HEG1: variants seen among roughly 807,000 people sequenced by gnomAD.
The protein encoded by HEG1 is heart development protein with EGF like domains 1, also known as protein HEG homolog 1.
In HEG1, 56 loss-of-function variants were observed where a neutral mutation model predicts 125.6. The observed-to-expected ratio is 0.45, with a 90% CI of 0.36 to 0.56. The LOEUF is 0.56. HEG1 is among the 20% of genes least tolerant of loss of function. HEG1 has a pLI of 0.00. For synonymous variants in HEG1, 644 were observed against 668.5 expected (o/e 0.96, Z 0.57); for missense variants, 1,523 against 1,670.0 (o/e 0.91, Z 1.53).
chr3:125,052,896 AG>A (rs1937845366), intron 1 of HEG1, among the ~76,000 whole-genome samples: 1 of 152,260 alleles, frequency 6.6e-6, no homozygotes, highest in African/African-American at 2.4e-5. Flanking sequence ...GAACTCTGCC[AG>A]GAAGAGAAGA....
intron 1 of HEG1, among the ~76,000 whole-genome samples, chr3:125,051,723 AC>A (rs1937810027): frequency 6.6e-6 from 1 of 152,260 alleles, no homozygotes; most frequent in Non-Finnish European, 1.5e-5. Flanking sequence ...TCCCATTCAT[AC>A]AAAAAGGACG....
At position 125,012,818 on chromosome 3, in the gene HEG1, G is replaced by A; in HGVS notation, c.2761C>T (p.Pro921Ser). ...GTGGTCATTTCTTTTGCTGATGTGG[G>A]TACACTGGTCAAAGGGATCAATCCA... is the stretch of plus-strand genomic sequence containing the variant. ...TTGLIPLTSVPTSAKEMTTKL... is the reference protein window; with the variant it reads ...TTGLIPLTSVSTSAKEMTTKL... Residue 921 changes from proline to serine, a missense_variant, in exon 6 of 17, where the codon CCC becomes TCC. Transcript: ENST00000311127. 2 of 1,614,016 alleles carry A rather than the reference G, an allele frequency of 1.2e-6. No homozygotes were observed. Among genetic ancestry groups the A allele is most frequent in the East Asian group, 2.2e-5 (1 of 44,880 alleles).
intron 5 of HEG1, chr3:125,014,597 A>C: frequency 1.1e-6 from 1 of 882,040 alleles, no homozygotes; most frequent in Non-Finnish European, 1.5e-6. Flanking sequence ...TCTCTCCATA[A>C]AGAGCTTGTA....
chr3:125,018,430 C>A (rs1042845503), intron 5 of HEG1, among the ~76,000 whole-genome samples: 2 of 152,126 alleles, frequency 1.3e-5, no homozygotes, highest in Non-Finnish European at 2.9e-5. Context: ...GATGGAAATG[C>A]TCTGGAATTA....
intron 14 of HEG1, among the ~76,000 whole-genome samples, chr3:124,987,952 C>CACACACACACACACACACAT: frequency 0.037 from 1,997 of 54,414 alleles, 95 homozygotes; most frequent in Middle Eastern, 0.07. Flanking sequence ...CACACACACA[C>CACACACACACACACACACAT]ATATATATAT....
intron 5 of HEG1, chr3:125,014,588 C>G: frequency 1.3e-6 from 1 of 765,944 alleles, no homozygotes; most frequent in Non-Finnish European, 1.7e-6. Context: ...CTAGAAAGTT[C>G]TCTCCATAAA....
At chr3:125,052,759 C>T (rs558207076) in intron 1 of HEG1, among the ~76,000 whole-genome samples, 1 of 152,144 alleles carries the variant, frequency 6.6e-6, no homozygotes, top group Admixed American at 6.5e-5. Context: ...AGCAGGGTGA[C>T]GGGTGGGTGC....
Position 124,977,869 on chromosome 3 carries a change from T to TAAC in HEG1, c.3808_3810dup (p.Val1270dup), listed in dbSNP as rs1560014432. The TAAC allele has an allele frequency of 1.3e-6, 2 of 1,568,338 alleles. No homozygotes were observed. Among genetic ancestry groups the TAAC allele is most frequent in the East Asian group, 2.4e-5 (1 of 42,350 alleles). On this transcript the variant is annotated inframe_insertion, in exon 15 of 17. Transcript: ENST00000311127. ...ACTCTCATCACTTACCTGCAACAGG[T>TAAC]AACAATCAGTGCGATGCCTAGGATG... is the stretch of plus-strand genomic sequence containing the variant.
chr3:125,020,921 AAAG>A lies in HEG1; in HGVS notation c.1120_1122del (p.Leu374del), dbSNP rs777256196. 3.7e-6 allele frequency: 6 copies of A among 1,613,918 alleles called. No individual in the cohort carries two copies. Among genetic ancestry groups the A allele is most frequent in the African/African-American group, 2.7e-5 (2 of 74,938 alleles). ...CTTCTCGATTCCACTGCAGAGGGTG[AAAG>A]AAGGACTGAGGATGAAGTCGTGGCA... On this transcript the variant is annotated inframe_deletion, in exon 4 of 17. Coordinates refer to ENST00000311127, the MANE Select transcript of HEG1 (RefSeq NM_020733.2).
chr3:124,991,801 G>A (rs1936838013), intron 12 of HEG1, among the ~76,000 whole-genome samples: 1 of 152,146 alleles, frequency 6.6e-6, no homozygotes, highest in Non-Finnish European at 1.5e-5. Context: ...TAGTAGAGAT[G>A]AGGTTTCACC....
chr3:125,027,100 T>C (rs1404029148), intron 3 of HEG1, 105 bp downstream of exon 3: 4 of 1,117,458 alleles, frequency 3.6e-6, no homozygotes, highest in Non-Finnish European at 5.0e-6. Context: ...TTGATGTCTT[T>C]TCCCCTTACC....
chr3:125,021,611 G>A (rs7636443), intron 3 of HEG1, among the ~76,000 whole-genome samples: 76,606 of 152,018 alleles, frequency 0.5, 19,575 homozygotes, highest in Middle Eastern at 0.64. Context: ...CCAGGTCACT[G>A]TTGAGGAGGC....
chr3:124,987,952 C>CACATATATATATATATATATAT, intron 14 of HEG1, among the ~76,000 whole-genome samples: 1 of 54,654 alleles, frequency 1.8e-5, no homozygotes, highest in Non-Finnish European at 4.6e-5. Context: ...CACACACACA[C>CACATATATATATATATATATAT]ATATATATAT....
intron 15 of HEG1, among the ~76,000 whole-genome samples, chr3:124,974,445 A>G (rs979521518): frequency 6.6e-6 from 1 of 152,160 alleles, no homozygotes; most frequent in African/African-American, 2.4e-5. Context: ...ACCTTTTGCT[A>G]CTAGAAGGTG....
chr3:124,976,440 G>C (rs937423665), intron 15 of HEG1, among the ~76,000 whole-genome samples: 2 of 151,566 alleles, frequency 1.3e-5, no homozygotes, highest in Admixed American at 1.3e-4. Flanking sequence ...CACTCGCCTC[G>C]AACTCCCAAA....
chr3:125,027,503 T>C lies in HEG1; in HGVS notation c.615A>G (p.Ser205=), dbSNP rs4404487. 0.64 allele frequency: 1,016,792 copies of C among 1,596,708 alleles called. 327,892 individuals carry two copies. The highest frequency in any genetic ancestry group is 0.85 in the East Asian group (38,154 of 44,776). The change falls in exon 3 of 17, where the codon TCA becomes TCG. Residue 205 remains serine (S), a synonymous_variant. Coordinates refer to ENST00000311127, the MANE Select transcript of HEG1 (RefSeq NM_020733.2). ...ALTSQSGNLA[S]ESLHLPSSSS... Reference sequence around the variant, plus strand: ...TGCTGGATGGCAGGTGAAGACTTTCTGAGGCTGAAAACAGACAAAAACAAT... The same window carrying C: ...TGCTGGATGGCAGGTGAAGACTTTCCGAGGCTGAAAACAGACAAAAACAAT...
chr3:125,037,906 G>A (rs1937561928), intron 1 of HEG1, among the ~76,000 whole-genome samples: 1 of 152,198 alleles, frequency 6.6e-6, no homozygotes, highest in South Asian at 2.1e-4. Flanking sequence ...CTTGCCTTCT[G>A]TAAAATGAGG....
chr3:124,994,278 C>T (rs1339640262), intron 12 of HEG1, among the ~76,000 whole-genome samples: 1 of 152,178 alleles, frequency 6.6e-6, no homozygotes, highest in African/African-American at 2.4e-5. Flanking sequence ...GCTGTGCAGC[C>T]CAGTTCCTAA....
At chr3:124,992,960 T>C (rs561789404) in intron 12 of HEG1, among the ~76,000 whole-genome samples, 6 of 152,332 alleles carry the variant, frequency 3.9e-5, no homozygotes, top group African/African-American at 1.4e-4. Context: ...CCCTGTGGTA[T>C]TTATTTGGGG....
Sources: gnomAD v4.1 joint callset for allele counts (sites outside exome capture counted in the v4.1 genomes callset) on GRCh38, gnomAD v4.1.1 for gene constraint, MANE v1.5 for transcripts, NCBI Gene and HGNC (gene_info 2026-07-23, HGNC 2026-07-21) for gene names.